Variants in SLC5A4 observed in about 807,000 individuals in gnomAD.
SLC5A4 encodes the protein probable glucose sensor protein SLC5A4.
In SLC5A4, 55 loss-of-function variants were observed where a neutral mutation model predicts 70.3. That is an observed-to-expected ratio of 0.78 (90% CI 0.63 to 0.98). The LOEUF is 0.98. Ranked by LOEUF, SLC5A4 falls within the 50% of genes least tolerant of loss-of-function variation. The pLI is 0.00. For synonymous variants in SLC5A4, 268 were observed against 305.7 expected, an observed-to-expected ratio of 0.88 and a Z score of 1.29; for missense variants, 735 against 839.2, an observed-to-expected ratio of 0.88 and a Z score of 1.53.
the SLC5A4 span, among the ~76,000 whole-genome samples, chr22:32,328,448 G>T: frequency 6.6e-6 from 1 of 152,132 alleles, no homozygotes; most frequent in Non-Finnish European, 1.5e-5. Context: ...TTTGCACCTT[G>T]AACTCTCTCT....
At chr22:32,350,309 A>T in the SLC5A4 span, among the ~76,000 whole-genome samples, 4 of 152,188 alleles carry the variant, frequency 2.6e-5, no homozygotes, top group Non-Finnish European at 5.9e-5. Context: ...AAATTCATGT[A>T]CACATACAGT....
the SLC5A4 span, among the ~76,000 whole-genome samples, chr22:32,306,295 C>T: frequency 6.9e-6 from 1 of 143,980 alleles, no homozygotes; most frequent in African/African-American, 2.6e-5. Context: ...GAAACCCTAT[C>T]TCTACTAAAA....
the SLC5A4 span, among the ~76,000 whole-genome samples, chr22:32,283,366 T>C: frequency 6.6e-6 from 1 of 152,240 alleles, no homozygotes; most frequent in Admixed American, 6.5e-5. Flanking sequence ...ACTTATTTAA[T>C]AATTCAAACT....
At chr22:32,246,920 A>C (rs115690981) in intron 5 of SLC5A4, among the ~76,000 whole-genome samples, 2 of 152,222 alleles carry the variant, frequency 1.3e-5, no homozygotes, top group Non-Finnish European at 2.9e-5. Flanking sequence ...TGGTGGTCTT[A>C]GATAGAGTGA....
At chr22:32,334,160 CCA>C in the SLC5A4 span, among the ~76,000 whole-genome samples, 2 of 151,512 alleles carry the variant, frequency 1.3e-5, no homozygotes, top group African/African-American at 2.4e-5. Flanking sequence ...ACACCCCATG[CCA>C]CACAGACATC....
chr22:32,350,139 A>G, the SLC5A4 span, among the ~76,000 whole-genome samples: 1 of 152,184 alleles, frequency 6.6e-6, no homozygotes, highest in Non-Finnish European at 1.5e-5. Flanking sequence ...GTTTTTCCCA[A>G]GGACTCCCAG....
the SLC5A4 span, among the ~76,000 whole-genome samples, chr22:32,308,458 T>C: frequency 6.8e-6 from 1 of 147,810 alleles, no homozygotes; most frequent in Admixed American, 6.6e-5. Flanking sequence ...CAGCGGCCTG[T>C]GGGGGAGTCA....
the SLC5A4 span, among the ~76,000 whole-genome samples, chr22:32,310,678 G>A: frequency 6.6e-6 from 1 of 152,202 alleles, no homozygotes; most frequent in African/African-American, 2.4e-5. Context: ...TGAGGCCAGG[G>A]GCCTGGGTCT....
intron 8 of SLC5A4, among the ~76,000 whole-genome samples, chr22:32,234,655 T>C (rs543452094): frequency 5.3e-5 from 8 of 152,170 alleles, no homozygotes; most frequent in Admixed American, 1.3e-4. Flanking sequence ...GCTGAGATCA[T>C]GCCACTGCAC....
At chr22:32,258,385 T>C (rs951125034), upstream of SLC5A4, among the ~76,000 whole-genome samples, 2 of 152,010 alleles carry the variant, frequency 1.3e-5, no homozygotes, top group Non-Finnish European at 2.9e-5. Flanking sequence ...CACAACTCAA[T>C]GGCAAAAACA....
the SLC5A4 span, among the ~76,000 whole-genome samples, chr22:32,276,327 C>T: frequency 6.6e-6 from 1 of 152,144 alleles, no homozygotes; most frequent in Non-Finnish European, 1.5e-5. Context: ...TCAGGGAGAA[C>T]ATAACGAAAA....
chr22:32,351,203 C>T, the SLC5A4 span, among the ~76,000 whole-genome samples: 1 of 152,196 alleles, frequency 6.6e-6, no homozygotes, highest in African/African-American at 2.4e-5. Context: ...CTCCATGCCT[C>T]TTGCCTATCT....
chr22:32,351,427 G>A, the SLC5A4 span, among the ~76,000 whole-genome samples: 13 of 151,626 alleles, frequency 8.6e-5, no homozygotes, highest in South Asian at 2.1e-4. Flanking sequence ...ACACTGGGCC[G>A]GCGAGGTGGC....
the SLC5A4 span, among the ~76,000 whole-genome samples, chr22:32,351,376 T>C: frequency 6.6e-6 from 1 of 152,016 alleles, no homozygotes; most frequent in Admixed American, 6.5e-5. Context: ...TTTTTCCTCA[T>C]CTCTAAAACA....
the SLC5A4 span, among the ~76,000 whole-genome samples, chr22:32,325,333 G>A: frequency 6.6e-6 from 1 of 152,358 alleles, no homozygotes; most frequent in East Asian, 1.9e-4. Flanking sequence ...TGTCAGTGGT[G>A]AGTGTCTAGC....
chr22:32,299,681 T>C, the SLC5A4 span, among the ~76,000 whole-genome samples: 655 of 97,510 alleles, frequency 6.7e-3, 11 homozygotes, highest in Admixed American at 0.019. Flanking sequence ...TATCCAGCTT[T>C]GTTCCGTTGC....
the SLC5A4 span, among the ~76,000 whole-genome samples, chr22:32,353,525 G>A: frequency 1.3e-5 from 2 of 149,410 alleles, no homozygotes; most frequent in East Asian, 1.9e-4. Context: ...GGAGTCCGGG[G>A]AGACGAGGAC....
chr22:32,342,108 T>C, the SLC5A4 span, among the ~76,000 whole-genome samples: 1 of 152,216 alleles, frequency 6.6e-6, no homozygotes, highest in East Asian at 1.9e-4. Context: ...GCTAAATAAA[T>C]GGTAGCAGGA....
At chr22:32,244,004 G>T (rs539658736) in intron 5 of SLC5A4, among the ~76,000 whole-genome samples, 1 of 152,102 alleles carries the variant, frequency 6.6e-6, no homozygotes, top group Non-Finnish European at 1.5e-5. Flanking sequence ...CTGTGTTGAA[G>T]TTGGGGCTAG....
Sources: allele counts gnomAD v4.1 joint callset (sites outside exome capture counted in the v4.1 genomes callset), GRCh38; gene constraint gnomAD v4.1.1; transcripts MANE v1.5; gene names NCBI Gene and HGNC (gene_info 2026-07-23, HGNC 2026-07-21).